The following FGF14 variants were observed in gnomAD, a reference collection of about 807,000 sequenced individuals.
FGF14 encodes the protein fibroblast growth factor homologous factor 4.
FGF14 carries 5 observed loss-of-function variants against 25.5 expected under a neutral mutation model. That is an observed-to-expected ratio of 0.20 (90% CI 0.10 to 0.41). FGF14 has a LOEUF of 0.41. FGF14 is among the 10% of genes least tolerant of loss of function. The pLI is 1.00. For synonymous variants in FGF14, 138 were observed against 118.3 expected (o/e 1.17, Z -1.08); for missense variants, 222 against 320.1 (o/e 0.69, Z 2.34).
At chr13:102,048,191 A>C (rs1282914320) in intron 1 of FGF14, among the ~76,000 whole-genome samples, 2 of 152,122 alleles carry the variant, frequency 1.3e-5, no homozygotes, top group Non-Finnish European at 2.9e-5. Context: ...GTAGATGAGG[A>C]AACAGCATGG....
At chr13:102,381,879 C>T (rs920916489) in intron 1 of FGF14, among the ~76,000 whole-genome samples, 1 of 152,098 alleles carries the variant, frequency 6.6e-6, no homozygotes, top group Non-Finnish European at 1.5e-5. Context: ...TATGTCAATT[C>T]AAAATGAGAT....
At chr13:101,958,471 A>G (rs1157761208) in intron 1 of FGF14, among the ~76,000 whole-genome samples, 2 of 152,162 alleles carry the variant, frequency 1.3e-5, no homozygotes, top group Non-Finnish European at 1.5e-5. Flanking sequence ...CCTGCTCTCC[A>G]TTCAGTCTGG....
intron 1 of FGF14, among the ~76,000 whole-genome samples, chr13:102,268,833 G>A (rs2053117393): frequency 6.6e-6 from 1 of 152,056 alleles, no homozygotes; most frequent in South Asian, 2.1e-4. Flanking sequence ...TCAAAAGACT[G>A]ACTAATCTTT....
intron 1 of FGF14, among the ~76,000 whole-genome samples, chr13:101,952,316 T>C (rs1403237794): frequency 6.6e-6 from 1 of 152,180 alleles, no homozygotes; most frequent in African/African-American, 2.4e-5. Flanking sequence ...CCCTTTGTTA[T>C]ACGGCATGAA....
At chr13:102,244,546 C>T (rs747512851) in intron 1 of FGF14, among the ~76,000 whole-genome samples, 23 of 151,744 alleles carry the variant, frequency 1.5e-4, no homozygotes, top group African/African-American at 4.6e-4. Context: ...GGATGAGAGC[C>T]GAGTGTACAA....
intron 3 of FGF14, among the ~76,000 whole-genome samples, chr13:101,777,492 T>C (rs1048352035): frequency 6.6e-6 from 1 of 152,162 alleles, no homozygotes; most frequent in African/African-American, 2.4e-5. Context: ...TGAATTTAAC[T>C]GACACTGTTT....
At chr13:102,037,970 T>A (rs529360056) in intron 1 of FGF14, among the ~76,000 whole-genome samples, 2 of 152,182 alleles carry the variant, frequency 1.3e-5, no homozygotes, top group Non-Finnish European at 2.9e-5. Flanking sequence ...AAAAACAATG[T>A]AAATGAGATA....
chr13:101,724,846 AAAGT>A, intron 4 of FGF14, among the ~76,000 whole-genome samples: 2 of 151,554 alleles, frequency 1.3e-5, no homozygotes, highest in South Asian at 4.2e-4. Flanking sequence ...GAAAACATAA[AAAGT>A]ATTATTTCTC....
At chr13:102,010,707 T>G (rs1158081196) in intron 1 of FGF14, among the ~76,000 whole-genome samples, 2 of 152,188 alleles carry the variant, frequency 1.3e-5, no homozygotes, top group Admixed American at 6.5e-5. Context: ...GATTTCAGCT[T>G]TCTCGTCTGT....
At chr13:101,958,650 GA>G (rs2036653928) in intron 1 of FGF14, among the ~76,000 whole-genome samples, 1 of 152,122 alleles carries the variant, frequency 6.6e-6, no homozygotes. Flanking sequence ...AGTCTTGACA[GA>G]GAAAAAAAGA....
At chr13:102,068,571 A>C (rs1052059573) in intron 1 of FGF14, among the ~76,000 whole-genome samples, 5 of 152,194 alleles carry the variant, frequency 3.3e-5, no homozygotes, top group Non-Finnish European at 7.4e-5. Flanking sequence ...CTCGGAGCAG[A>C]CGGCCGGCCC....
chr13:101,787,193 G>A (rs1180347035), intron 3 of FGF14, among the ~76,000 whole-genome samples: 1 of 151,972 alleles, frequency 6.6e-6, no homozygotes, highest in Non-Finnish European at 1.5e-5. Flanking sequence ...TCAACACACT[G>A]TCCAAGAGTA....
chr13:101,995,619 C>T (rs906990471), intron 1 of FGF14, among the ~76,000 whole-genome samples: 4 of 151,974 alleles, frequency 2.6e-5, no homozygotes, highest in Admixed American at 1.3e-4. Flanking sequence ...TGAGGGATAA[C>T]GTATAAGCCA....
intron 1 of FGF14, among the ~76,000 whole-genome samples, chr13:101,892,261 A>C (rs2029874663): frequency 6.6e-6 from 1 of 152,138 alleles, no homozygotes; most frequent in South Asian, 2.1e-4. Flanking sequence ...TTACCTAAAA[A>C]ATTTTTGTTA....
Position 102,244,547 on chromosome 13 carries a change from G to A in FGF14, c.208+156924C>T, listed in dbSNP as rs527704420. 9.9e-5 allele frequency among the ~76,000 whole-genome samples: 15 copies of A among 151,888 alleles called. No individual in the cohort carries two copies. In the East Asian group the frequency reaches 1.9e-3, roughly 20 times the overall value. On this transcript the variant is annotated intron_variant, in intron 1 of 4. Coordinates refer to the FGF14 transcript ENST00000376131. ...TTTGGGGAAACAATGGATGAGAGCC[G>A]AGTGTACAATTGTCATGTGAATCTA...
chr13:102,280,024 G>C (rs941740764), intron 1 of FGF14, among the ~76,000 whole-genome samples: 1 of 152,142 alleles, frequency 6.6e-6, no homozygotes, highest in Non-Finnish European at 1.5e-5. Flanking sequence ...TAATATATTA[G>C]GGAGGAAGTT....
intron 1 of FGF14, among the ~76,000 whole-genome samples, chr13:102,237,634 T>A (rs1016107878): frequency 6.7e-6 from 1 of 149,050 alleles, no homozygotes; most frequent in East Asian, 2.0e-4. Flanking sequence ...AAGCTAAAAA[T>A]TTTTTGATAT....
At chr13:101,996,988 C>A (rs2039219998) in intron 1 of FGF14, among the ~76,000 whole-genome samples, 1 of 152,150 alleles carries the variant, frequency 6.6e-6, no homozygotes, top group South Asian at 2.1e-4. Flanking sequence ...GCTGAGGGCA[C>A]CACTCACTCT....
chr13:102,118,180 T>C (rs548687926), intron 1 of FGF14, among the ~76,000 whole-genome samples: 24 of 152,094 alleles, frequency 1.6e-4, no homozygotes, highest in African/African-American at 5.8e-4. Context: ...AATTTTGAAA[T>C]TATTATATTC....
Sources: allele counts gnomAD v4.1 joint callset (sites outside exome capture counted in the v4.1 genomes callset), GRCh38; gene constraint gnomAD v4.1.1; transcripts MANE v1.5; gene names NCBI Gene and HGNC (gene_info 2026-07-23, HGNC 2026-07-21).